The following PHACTR1 variants were observed in gnomAD, a reference collection of about 807,000 sequenced individuals.
PHACTR1 encodes phosphatase and actin regulator 1.
Under a neutral mutation model 69.2 loss-of-function variants are expected in PHACTR1, and 16 were observed. That is an observed-to-expected ratio of 0.23 (90% CI 0.16 to 0.35). The LOEUF (loss-of-function observed/expected upper bound fraction) is 0.35, where lower values mean the gene tolerates loss of function less well. PHACTR1 is among the 10% of genes least tolerant of loss of function. The pLI is 1.00. For missense variants in PHACTR1, 510 were observed against 734.7 expected (o/e 0.69, Z 3.54); for synonymous variants, 312 against 284.5 (o/e 1.10, Z -0.97).
In PHACTR1 at chr6:12,912,579, T is replaced by A. The variant is rs992590935; in HGVS notation, c.251-140786T>A. On this transcript the variant is annotated intron_variant, in intron 4 of 14. Coordinates refer to ENST00000332995, the MANE Select transcript of PHACTR1 (RefSeq NM_030948.6). ...GGCCTGTTTCCCCCATGCCTTCCAC[T>A]CCCCCACCCTGATAGCATACCTTTG... Among the ~76,000 whole-genome samples the A allele has an allele frequency of 3.3e-5, 5 of 152,090 alleles. No homozygotes were observed. The East Asian group carries it at 9.6e-4, about 29-fold the overall frequency.
At position 12,822,612 on chromosome 6, in the gene PHACTR1, A is replaced by G. The variant is rs1370359505; in HGVS notation, c.250+72822A>G. Among the ~76,000 whole-genome samples, 3 of 152,204 alleles carry G rather than the reference A, an allele frequency of 2.0e-5. No individual in the cohort carries two copies. In the East Asian group the frequency reaches 5.8e-4, roughly 29 times the overall value. On this transcript the variant is annotated intron_variant, in intron 4 of 14. Transcript: ENST00000332995. ...TCCCTTCCCTGCTCTTCCAAGTGTTAGAGGAGCCGGGGCATCTAGCAAGGG... is the reference window on the plus strand; with the variant it reads ...TCCCTTCCCTGCTCTTCCAAGTGTTGGAGGAGCCGGGGCATCTAGCAAGGG...
rs1046853327 is a variant in PHACTR1 at position 13,179,736 on chromosome 6, A to G, written c.497-2783A>G. Among the ~76,000 whole-genome samples the G allele has an allele frequency of 6.7e-6, 1 of 149,508 alleles. No individual in the cohort carries two copies. ...GATAGATAGATAGATAGATAGATAG[A>G]TAGATAGATAGACAGAACAAGGTTA... On this transcript the variant is annotated intron_variant, in intron 6 of 14. Coordinates refer to ENST00000332995, the MANE Select transcript of PHACTR1 (RefSeq NM_030948.6). The surrounding 1 kb of genome is among the most constrained non-coding windows in gnomAD (Gnocchi z 4.2).
rs1023710203 is a variant in PHACTR1 at position 12,821,395 on chromosome 6, G to A, written c.250+71605G>A. ...GGAGAATTGCTTGAACCTGGGAGGC[G>A]GAGGTCGCAGTGAGCTGAGATCGCA... On this transcript the variant is annotated intron_variant, in intron 4 of 14. Coordinates refer to ENST00000332995, the MANE Select transcript of PHACTR1 (RefSeq NM_030948.6). Among the ~76,000 whole-genome samples, 5 of 151,248 alleles carry A rather than the reference G, an allele frequency of 3.3e-5. No individual in the cohort carries two copies. In the Middle Eastern group the frequency reaches 0.01, roughly 309 times the overall value.
At chr6:12,974,065 G>C (rs1435679281) in intron 4 of PHACTR1, among the ~76,000 whole-genome samples, 1 of 151,872 alleles carries the variant, frequency 6.6e-6, no homozygotes, top group South Asian at 2.1e-4. Context: ...GGAACAACAG[G>C]CATGCGCCAC....
chr6:13,012,024 G>A (rs1038952255), intron 4 of PHACTR1, among the ~76,000 whole-genome samples: 2 of 152,196 alleles, frequency 1.3e-5, no homozygotes, highest in Non-Finnish European at 2.9e-5. Context: ...TCCAGCAAAA[G>A]GGGGGTGGTT....
At chr6:13,077,220 G>A (rs571981248) in intron 5 of PHACTR1, among the ~76,000 whole-genome samples, 1 of 151,402 alleles carries the variant, frequency 6.6e-6, no homozygotes, top group African/African-American at 2.4e-5. Flanking sequence ...TCTAAGTGTG[G>A]TTTATGCATT....
At chr6:12,778,517 C>T (rs537709287) in intron 4 of PHACTR1, among the ~76,000 whole-genome samples, 1 of 152,240 alleles carries the variant, frequency 6.6e-6, no homozygotes, top group South Asian at 2.1e-4. Flanking sequence ...TTATTAAGTC[C>T]ACTTTTTAAT....
chr6:13,234,486 A>G (rs1562043793), intron 10 of PHACTR1, among the ~76,000 whole-genome samples: 2 of 152,212 alleles, frequency 1.3e-5, no homozygotes, highest in Admixed American at 1.3e-4. Context: ...GCAAGATAGA[A>G]AACATAATTT....
intron 4 of PHACTR1, among the ~76,000 whole-genome samples, chr6:12,807,690 T>C (rs1774506198): frequency 6.6e-6 from 1 of 152,238 alleles, no homozygotes; most frequent in African/African-American, 2.4e-5. Flanking sequence ...TCTTAAATTG[T>C]CCTTCCTTTG....
At chr6:12,980,617 A>G (rs1795406834) in intron 4 of PHACTR1, among the ~76,000 whole-genome samples, 1 of 151,856 alleles carries the variant, frequency 6.6e-6, no homozygotes, top group Non-Finnish European at 1.5e-5. Flanking sequence ...AATGACTTCT[A>G]TGTGTGATTG....
intron 7 of PHACTR1, among the ~76,000 whole-genome samples, chr6:13,192,462 G>A (rs1763732740): frequency 6.6e-6 from 1 of 152,168 alleles, no homozygotes; most frequent in Admixed American, 6.5e-5. Flanking sequence ...AGGAAAATTG[G>A]GGCTGAAAAG....
chr6:12,851,737 A>G lies in PHACTR1; in HGVS notation c.250+101947A>G, dbSNP rs188497857. Among the ~76,000 whole-genome samples the G allele has an allele frequency of 2.6e-5, 4 of 152,258 alleles. No homozygotes were observed. In the East Asian group the frequency reaches 7.7e-4, roughly 29 times the overall value. ...CTTTAAAAAATAAAAATCTTACACA[A>G]TCAGGCATTGCTCTGCCGAATGTTT... On this transcript the variant is annotated intron_variant, in intron 4 of 14. Coordinates refer to ENST00000332995, the MANE Select transcript of PHACTR1 (RefSeq NM_030948.6).
intron 4 of PHACTR1, among the ~76,000 whole-genome samples, chr6:12,900,338 T>C (rs916773780): frequency 6.6e-6 from 1 of 152,202 alleles, no homozygotes; most frequent in Non-Finnish European, 1.5e-5. Flanking sequence ...TACTTTCATC[T>C]TACTTTAACT....
intron 3 of PHACTR1, among the ~76,000 whole-genome samples, chr6:12,743,111 C>T (rs557723560): frequency 1.2e-4 from 18 of 151,036 alleles, no homozygotes; most frequent in South Asian, 4.2e-4. Context: ...CATTCCCTTT[C>T]GTTTTTGTTT....
intron 4 of PHACTR1, among the ~76,000 whole-genome samples, chr6:12,977,258 G>T (rs910045474): frequency 2.0e-5 from 3 of 152,070 alleles, no homozygotes; most frequent in African/African-American, 7.2e-5. Context: ...GGCCAAAAAT[G>T]ATCTGCAGTT....
intron 4 of PHACTR1, among the ~76,000 whole-genome samples, chr6:12,750,471 C>T (rs758722825): frequency 8.4e-5 from 12 of 142,482 alleles, no homozygotes; most frequent in Non-Finnish European, 1.5e-4. Context: ...AGGAAGGAAA[C>T]GAGGGAAGGC....
chr6:13,136,766 G>T (rs1821618970), intron 5 of PHACTR1, among the ~76,000 whole-genome samples: 1 of 152,212 alleles, frequency 6.6e-6, no homozygotes, highest in Non-Finnish European at 1.5e-5. Context: ...AGGGAATAGG[G>T]AGGCCTGAGG....
At chr6:13,059,302 G>A (rs1479288401) in intron 5 of PHACTR1, among the ~76,000 whole-genome samples, 2 of 152,018 alleles carry the variant, frequency 1.3e-5, no homozygotes, top group Non-Finnish European at 1.5e-5. Flanking sequence ...CAGGGGAGGG[G>A]GAAATGGGAA....
intron 4 of PHACTR1, among the ~76,000 whole-genome samples, chr6:12,876,668 A>T (rs531156699): frequency 5.8e-4 from 89 of 152,382 alleles, no homozygotes; most frequent in South Asian, 3.3e-3. Context: ...AACAAAAAAA[A>T]GTCCTAAACT....
Sources: gnomAD v4.1 joint callset for allele counts (sites outside exome capture counted in the v4.1 genomes callset) on GRCh38, gnomAD v4.1.1 for gene constraint, Gnocchi (gnomAD v3.1) non-coding constraint, MANE v1.5 for transcripts, NCBI Gene and HGNC (gene_info 2026-07-23, HGNC 2026-07-21) for gene names.